The following FSD1L variants were observed in gnomAD, a reference collection of about 807,000 sequenced individuals.
FSD1L encodes the protein fibronectin type III and SPRY domain containing 1 like.
FSD1L carries 45 observed loss-of-function variants against 71.6 expected under a neutral mutation model. The observed-to-expected ratio is 0.63, with a 90% CI of 0.49 to 0.81. The LOEUF is 0.81. Ranked by LOEUF, FSD1L falls within the 30% of genes least tolerant of loss-of-function variation. The pLI is 0.00. For synonymous variants in FSD1L, 197 were observed against 207.2 expected (o/e 0.95, Z 0.42); for missense variants, 561 against 618.1 (o/e 0.91, Z 0.98).
At chr9:105,499,806 C>T (rs1015056481) in intron 7 of FSD1L, among the ~76,000 whole-genome samples, 3 of 151,500 alleles carry the variant, frequency 2.0e-5, no homozygotes, top group African/African-American at 4.9e-5. Flanking sequence ...CTGTAATTTC[C>T]ATTATACATA....
intron 1 of FSD1L, among the ~76,000 whole-genome samples, chr9:105,450,806 C>T (rs367793865): frequency 1.3e-5 from 2 of 151,914 alleles, no homozygotes; most frequent in South Asian, 2.1e-4. Flanking sequence ...CAAAGCGCTG[C>T]GATTACAGGC....
chr9:105,492,266 A>G (rs1375301369), intron 7 of FSD1L, among the ~76,000 whole-genome samples: 1 of 151,856 alleles, frequency 6.6e-6, no homozygotes, highest in African/African-American at 2.4e-5. Flanking sequence ...TTTCTTCTAT[A>G]TTTTCCAGTT....
chr9:105,452,602 C>T (rs1480462671), intron 1 of FSD1L, among the ~76,000 whole-genome samples: 3 of 151,928 alleles, frequency 2.0e-5, no homozygotes, highest in Non-Finnish European at 4.4e-5. Context: ...GGTTCCCTCC[C>T]TCCCTCCCTC....
At chr9:105,455,785 T>C (rs1330996151) in intron 1 of FSD1L, among the ~76,000 whole-genome samples, 2 of 152,212 alleles carry the variant, frequency 1.3e-5, no homozygotes, top group Non-Finnish European at 2.9e-5. Context: ...AAAAAGTTAC[T>C]CCATATTAGC....
intron 7 of FSD1L, among the ~76,000 whole-genome samples, chr9:105,495,482 G>T (rs1239132571): frequency 6.6e-6 from 1 of 152,174 alleles, no homozygotes; most frequent in Non-Finnish European, 1.5e-5. Flanking sequence ...CCCTGCTTCG[G>T]CTCGTGCAGG....
At chr9:105,444,916 A>G (rs2812297), upstream of FSD1L, among the ~76,000 whole-genome samples, 85,247 of 152,066 alleles carry the variant, frequency 0.56, 24,215 homozygotes, top group East Asian at 0.73. Flanking sequence ...GATTCAGTAG[A>G]TCCAGGGATA....
intron 9 of FSD1L, among the ~76,000 whole-genome samples, chr9:105,511,752 G>T (rs1215552180): frequency 6.6e-6 from 1 of 152,036 alleles, no homozygotes; most frequent in African/African-American, 2.4e-5. Flanking sequence ...GGGGATAAAA[G>T]GATTATTGAT....
intron 10 of FSD1L, 42 bp from the exon 11 acceptor site, chr9:105,534,451 G>A: frequency 9.7e-7 from 1 of 1,029,242 alleles, no homozygotes; most frequent in Non-Finnish European, 1.5e-6. Context: ...AACATTTACA[G>A]TATAAAATAT....
chr9:105,489,773 G>A (rs934558417), intron 7 of FSD1L, among the ~76,000 whole-genome samples: 5 of 152,076 alleles, frequency 3.3e-5, no homozygotes, highest in African/African-American at 9.7e-5. Context: ...TTTTGTTCTT[G>A]TGATAGTTTA....
chr9:105,452,799 A>T (rs1382407551), intron 1 of FSD1L, among the ~76,000 whole-genome samples: 1 of 149,072 alleles, frequency 6.7e-6, no homozygotes, highest in Non-Finnish European at 1.5e-5. Flanking sequence ...GCTCAGGCTG[A>T]TGGCTCACCA....
intron 1 of FSD1L, among the ~76,000 whole-genome samples, chr9:105,455,009 C>T (rs147305804): frequency 1.8e-3 from 279 of 152,274 alleles, no homozygotes; most frequent in Non-Finnish European, 3.1e-3. Context: ...TCTTGCATCA[C>T]ATCTGAGCAT....
intron 10 of FSD1L, among the ~76,000 whole-genome samples, chr9:105,516,625 A>T (rs1269049606): frequency 6.6e-6 from 1 of 152,212 alleles, no homozygotes; most frequent in East Asian, 1.9e-4. Context: ...GAAAACTAAC[A>T]AACAGAAAGG....
intron 9 of FSD1L, among the ~76,000 whole-genome samples, chr9:105,511,568 C>G (rs1445387260): frequency 6.6e-6 from 1 of 151,986 alleles, no homozygotes; most frequent in Non-Finnish European, 1.5e-5. Context: ...TCTGTAAGTT[C>G]ATTTCTGTTT....
intron 10 of FSD1L, chr9:105,523,747 A>G: frequency 6.3e-7 from 1 of 1,597,242 alleles, no homozygotes; most frequent in Non-Finnish European, 8.6e-7. Flanking sequence ...GTTTCTCCAA[A>G]TAGAGATTTT....
chr9:105,521,233 T>G, intron 10 of FSD1L: 3 of 1,614,238 alleles, frequency 1.9e-6, no homozygotes, highest in Non-Finnish European at 2.5e-6. Context: ...ATTCCTGGGA[T>G]GGAAGGTGAA....
chr9:105,506,912 T>C (rs1834088031), intron 8 of FSD1L, among the ~76,000 whole-genome samples: 1 of 151,922 alleles, frequency 6.6e-6, no homozygotes, highest in Non-Finnish European at 1.5e-5. Flanking sequence ...GCTGGGACTA[T>C]AGGCACACGC....
At chr9:105,492,765 G>C (rs1055347463) in intron 7 of FSD1L, among the ~76,000 whole-genome samples, 1 of 152,180 alleles carries the variant, frequency 6.6e-6, no homozygotes, top group Non-Finnish European at 1.5e-5. Flanking sequence ...GTACCCAGTA[G>C]TCATTCAGGA....
At chr9:105,535,795 A>G (rs1029730560) in intron 12 of FSD1L, among the ~76,000 whole-genome samples, 16 of 152,164 alleles carry the variant, frequency 1.1e-4, no homozygotes, top group African/African-American at 3.6e-4. Context: ...ACCTACAAAA[A>G]TTAAAAAAAA....
intron 6 of FSD1L, among the ~76,000 whole-genome samples, chr9:105,479,909 G>GA (rs1832060378): frequency 6.6e-6 from 1 of 152,076 alleles, no homozygotes; most frequent in Non-Finnish European, 1.5e-5. Context: ...TGTGGGAAGA[G>GA]AAAATTAAAG....
Sources: gnomAD v4.1 joint callset for allele counts (sites outside exome capture counted in the v4.1 genomes callset) on GRCh38, gnomAD v4.1.1 for gene constraint, MANE v1.5 for transcripts, NCBI Gene and HGNC (gene_info 2026-07-23, HGNC 2026-07-21) for gene names.